NUDT3: variants seen among roughly 807,000 people sequenced by gnomAD.
The protein encoded by NUDT3 is diphosphoinositol polyphosphate phosphohydrolase 1.
A neutral mutation model predicts 23.6 loss-of-function variants in NUDT3; 9 were observed. The observed-to-expected ratio is 0.38, with a 90% CI of 0.23 to 0.66. The LOEUF (loss-of-function observed/expected upper bound fraction) is 0.66, where lower values mean the gene tolerates loss of function less well. Ranked by LOEUF, NUDT3 falls within the 30% of genes least tolerant of loss-of-function variation. NUDT3 has a pLI of 0.52. For missense variants in NUDT3, 172 were observed against 218.5 expected (o/e 0.79, Z 1.34); for synonymous variants, 86 against 82.6 (o/e 1.04, Z -0.22).
chr6:34,312,465 G>A (rs1004273774), intron 2 of NUDT3, among the ~76,000 whole-genome samples: 5 of 151,804 alleles, frequency 3.3e-5, no homozygotes, highest in East Asian at 1.9e-4. Context: ...TGGTGAGGAT[G>A]TGGAACAACA....
chr6:34,363,507 A>G (rs1764680022), intron 1 of NUDT3, among the ~76,000 whole-genome samples: 1 of 152,236 alleles, frequency 6.6e-6, no homozygotes, highest in Non-Finnish European at 1.5e-5. Flanking sequence ...CTTGTCACTT[A>G]AGGGTAAGAA....
At chr6:34,295,547 A>G in intron 3 of NUDT3, 94 bp downstream of exon 3, 1 of 1,459,532 alleles carries the variant, frequency 6.9e-7, no homozygotes, top group Non-Finnish European at 9.3e-7. Context: ...AAAAAAAAAA[A>G]AACTCGCTGA....
chr6:34,317,707 T>C (rs1313879478), intron 2 of NUDT3, among the ~76,000 whole-genome samples: 3 of 152,134 alleles, frequency 2.0e-5, no homozygotes, highest in Admixed American at 2.0e-4. Flanking sequence ...TTTTATTAGG[T>C]AGCAACAGAT....
chr6:34,293,630 TCAGACA>T, intron 3 of NUDT3, 95 bp from the exon 4 acceptor site: 1 of 1,413,826 alleles, frequency 7.1e-7, no homozygotes, highest in Non-Finnish European at 9.8e-7. Flanking sequence ...TCCAGAGAGC[TCAGACA>T]CAAAGATTCT....
chr6:34,291,203 C>G (rs184327892), intron 4 of NUDT3, among the ~76,000 whole-genome samples: 14 of 152,106 alleles, frequency 9.2e-5, no homozygotes, highest in Non-Finnish European at 1.6e-4. Context: ...AAGTGATTCA[C>G]CCGCCTTGGC....
At chr6:34,360,237 CA>C (rs34629409) in intron 1 of NUDT3, among the ~76,000 whole-genome samples, 2,328 of 50,722 alleles carry the variant, frequency 0.046, 10 homozygotes, top group Non-Finnish European at 0.053. Context: ...GACCCTGTCT[CA>C]AAAAAAAAAA....
intron 3 of NUDT3, among the ~76,000 whole-genome samples, chr6:34,294,274 C>T (rs989889139): frequency 2.6e-5 from 4 of 152,104 alleles, no homozygotes; most frequent in Non-Finnish European, 4.4e-5. Context: ...ATGTGAGCCA[C>T]CACACCCAGC....
intron 2 of NUDT3, among the ~76,000 whole-genome samples, chr6:34,323,042 T>C (rs751208944): frequency 6.6e-6 from 1 of 152,130 alleles, no homozygotes; most frequent in Non-Finnish European, 1.5e-5. Context: ...GAGTGGGAGT[T>C]AAACACTGGG....
At chr6:34,299,356 T>C (rs1312713407) in intron 2 of NUDT3, among the ~76,000 whole-genome samples, 1 of 152,234 alleles carries the variant, frequency 6.6e-6, no homozygotes, top group Admixed American at 6.5e-5. Context: ...AAGTCCATCT[T>C]AGTAGAGATA....
chr6:34,314,351 G>A (rs1219148677), intron 2 of NUDT3, among the ~76,000 whole-genome samples: 5 of 148,060 alleles, frequency 3.4e-5, no homozygotes, highest in African/African-American at 1.3e-4. Context: ...TCAGCTGTTT[G>A]AAACCAGCCT....
At chr6:34,303,032 G>C (rs1471494422) in intron 2 of NUDT3, among the ~76,000 whole-genome samples, 3 of 151,940 alleles carry the variant, frequency 2.0e-5, no homozygotes, top group Non-Finnish European at 2.9e-5. Context: ...AGCCATTTTT[G>C]TACCTTTATC....
Position 34,360,668 on chromosome 6 carries a change from T to C in NUDT3, c.100-18696A>G, listed in dbSNP as rs533997148. ...GTAAGACTGGAAAAAGTTACTCTTA[T>C]TCTCTCGCCCTCCGCCACAGACACA... On this transcript the variant is annotated intron_variant, in intron 1 of 4. Transcript: ENST00000607016. Among the ~76,000 whole-genome samples the C allele has an allele frequency of 2.0e-4, 31 of 152,284 alleles. No homozygotes were observed. In the South Asian group the frequency reaches 6.2e-3, roughly 31 times the overall value.
intron 1 of NUDT3, among the ~76,000 whole-genome samples, chr6:34,356,250 T>C (rs1316440898): frequency 6.6e-6 from 1 of 152,158 alleles, no homozygotes; most frequent in Non-Finnish European, 1.5e-5. Context: ...CCCACAAAAA[T>C]TAAAAATTAC....
At chr6:34,338,425 T>G (rs1764241570) in intron 2 of NUDT3, among the ~76,000 whole-genome samples, 1 of 152,228 alleles carries the variant, frequency 6.6e-6, no homozygotes, top group Admixed American at 6.5e-5. Flanking sequence ...AACTGTTCCC[T>G]CAAAGTTTAA....
intron 1 of NUDT3, among the ~76,000 whole-genome samples, chr6:34,367,513 A>T (rs1402084569): frequency 2.0e-5 from 3 of 151,854 alleles, no homozygotes; most frequent in African/African-American, 7.3e-5. Context: ...AAAATGTAAT[A>T]AATAAAAGGT....
intron 1 of NUDT3, among the ~76,000 whole-genome samples, chr6:34,391,789 C>T (rs1024855971): frequency 3.4e-5 from 5 of 145,464 alleles, no homozygotes; most frequent in African/African-American, 1.0e-4. Context: ...ACATATAATC[C>T]CTCGGCAAAC....
rs372494861 is a variant in NUDT3, at chr6:34,386,584, A to G, written c.99+5680T>C. ...TAAATAAAGTTTTCTGGGGCTGGGG[A>G]AAAAAAAAACCTAGAATGATAGGTT... On this transcript the variant is annotated intron_variant, in intron 1 of 4. Coordinates refer to ENST00000607016, the MANE Select transcript of NUDT3 (RefSeq NM_006703.4). Among the ~76,000 whole-genome samples the G allele has an allele frequency of 1.0e-3, 154 of 147,032 alleles. 1 individual carries two copies. The highest frequency in any genetic ancestry group is 4.8e-3 in the East Asian group (24 of 5,002).
intron 1 of NUDT3, among the ~76,000 whole-genome samples, chr6:34,382,375 C>T (rs1445981865): frequency 2.0e-5 from 3 of 152,180 alleles, no homozygotes; most frequent in Non-Finnish European, 2.9e-5. Flanking sequence ...TACACTCCAG[C>T]CTGGGTGGCA....
intron 2 of NUDT3, among the ~76,000 whole-genome samples, chr6:34,327,091 G>A (rs1764047176): frequency 6.6e-6 from 1 of 151,994 alleles, no homozygotes; most frequent in Admixed American, 6.6e-5. Context: ...AAACAAGGGG[G>A]CAGGGTAAGG....
Sources: allele counts gnomAD v4.1 joint callset (sites outside exome capture counted in the v4.1 genomes callset), GRCh38; gene constraint gnomAD v4.1.1; transcripts MANE v1.5; gene names NCBI Gene and HGNC (gene_info 2026-07-23, HGNC 2026-07-21).